AGO2: variants seen among roughly 807,000 people sequenced by gnomAD.
AGO2 encodes argonaute RISC catalytic component 2.
Under a neutral mutation model 102.3 loss-of-function variants are expected in AGO2, and 5 were observed. The observed-to-expected ratio is 0.05, with a 90% CI of 0.03 to 0.10. AGO2 has a LOEUF of 0.10. Ranked by LOEUF, AGO2 falls within the 10% of genes least tolerant of loss-of-function variation. The pLI is 1.00. For synonymous variants in AGO2, 449 were observed against 473.1 expected (o/e 0.95, Z 0.66); for missense variants, 541 against 1,183.7 (o/e 0.46, Z 7.97).
intron 2 of AGO2, among the ~76,000 whole-genome samples, chr8:140,584,335 C>T (rs183301011): frequency 2.0e-5 from 3 of 152,204 alleles, no homozygotes; most frequent in East Asian, 1.9e-4. Flanking sequence ...CTGACCACAC[C>T]GCGTGCTGGT....
At chr8:140,594,222 G>T (rs2073788586) in intron 1 of AGO2, among the ~76,000 whole-genome samples, 1 of 152,114 alleles carries the variant, frequency 6.6e-6, no homozygotes, top group African/African-American at 2.4e-5. Context: ...TGCCAGTTAA[G>T]GGGACAGGAG....
intron 1 of AGO2, 32 bp from the exon 2 acceptor site, chr8:140,585,343 G>A (rs1236713199): frequency 2.1e-5 from 34 of 1,606,678 alleles, no homozygotes; most frequent in Non-Finnish European, 2.7e-5. Context: ...CCATTAACGG[G>A]GGAGCAGGCT....
chr8:140,566,513 A>G (rs1266825227), intron 3 of AGO2, among the ~76,000 whole-genome samples: 1 of 152,198 alleles, frequency 6.6e-6, no homozygotes, highest in Non-Finnish European at 1.5e-5. Flanking sequence ...TAAGTCACAC[A>G]CAAGTAACAG....
chr8:140,631,289 C>A (rs1264885882), intron 1 of AGO2, among the ~76,000 whole-genome samples: 1 of 152,144 alleles, frequency 6.6e-6, no homozygotes, highest in Non-Finnish European at 1.5e-5. Flanking sequence ...CGCCTATAAT[C>A]CCAGCACTTT....
intron 1 of AGO2, among the ~76,000 whole-genome samples, chr8:140,608,268 A>T (rs1054920817): frequency 1.3e-5 from 2 of 152,282 alleles, no homozygotes; most frequent in East Asian, 3.9e-4. Context: ...CCCCTCCAGC[A>T]CGCTCCGGTC....
chr8:140,641,475 C>T, the AGO2 span, among the ~76,000 whole-genome samples: 1 of 152,074 alleles, frequency 6.6e-6, no homozygotes, highest in Admixed American at 6.5e-5. Flanking sequence ...TACCTAGTAT[C>T]ATGTTTCTTT....
chr8:140,544,249 G>T lies in AGO2; in HGVS notation c.1803C>A (p.Pro601=), dbSNP rs142977065. 1 of 1,597,672 alleles carries T rather than the reference G, an allele frequency of 6.3e-7. No individual in the cohort carries two copies. The highest frequency in any genetic ancestry group is 1.4e-5 in the African/African-American group (1 of 73,586). ...AGGGCTTCTTCCCATCCCCGGCGGG[G>T]GGGTGAGTGACGTCTGCTCCCAGAA... The part of the protein sequence containing the change: ...VIFLGADVTH[P]PAGDGKKPSI... Residue 601 remains proline (P), a synonymous_variant, in exon 14 of 19, where the codon CCC becomes CCA. Transcript: ENST00000220592.
intron 2 of AGO2, among the ~76,000 whole-genome samples, chr8:140,581,712 C>G (rs1033688395): frequency 6.6e-6 from 1 of 152,174 alleles, no homozygotes; most frequent in East Asian, 1.9e-4. Context: ...AAGAAAGCTG[C>G]TTAACCCAGT....
intron 1 of AGO2, among the ~76,000 whole-genome samples, chr8:140,601,598 G>A (rs1044791127): frequency 1.3e-5 from 2 of 152,170 alleles, no homozygotes; most frequent in Non-Finnish European, 2.9e-5. Flanking sequence ...GGCAGTCTGG[G>A]CTGTCTGCCC....
chr8:140,532,552 G>A lies in AGO2; in HGVS notation c.2335C>T (p.Leu779=), dbSNP rs1305630261. 6.2e-7 allele frequency: 1 copy of A among 1,614,294 alleles called. No homozygotes were observed. Among genetic ancestry groups the A allele is most frequent in the South Asian group, 1.1e-5 (1 of 91,090 alleles). The change falls in exon 18 of 19, where the codon CTG becomes TTG. Residue 779 remains leucine, a synonymous_variant. Transcript: ENST00000220592. ...WDDNRFSSDE[L]QILTYQLCHT... ...CACAGCTGGTAGGTTAGGATCTGCA[G>A]CTCATCAGAGGAGAAACGATTGTCG...
rs147595766 is a variant in AGO2 at position 140,539,859 on chromosome 8, T to C, written c.2035-405A>G. On this transcript the variant is annotated intron_variant, in intron 15 of 18. Coordinates refer to ENST00000220592, the MANE Select transcript of AGO2 (RefSeq NM_012154.5). This position sits in a 1 kb window ranked among gnomAD's most constrained non-coding sequence, Gnocchi z 4.7. The stretch of plus-strand genomic sequence containing the variant: ...ATCCCAGGACTTTGGGAGGCCGAGT[T>C]GGGCGGATCACAAGATCAAGAGATC... Among the ~76,000 whole-genome samples the C allele has an allele frequency of 0.016, 2,408 of 152,270 alleles. 31 individuals carry two copies. The highest frequency in any genetic ancestry group is 0.025 in the Non-Finnish European group (1,727 of 68,010).
intron 2 of AGO2, 95 bp downstream of exon 2, chr8:140,585,024 A>T (rs2073630819): frequency 1.6e-6 from 2 of 1,276,728 alleles, no homozygotes; most frequent in Non-Finnish European, 2.1e-6. Context: ...AAAAACCCAG[A>T]TGGATCTGCT....
intron 2 of AGO2, among the ~76,000 whole-genome samples, chr8:140,583,499 C>CACCT (rs2073591459): frequency 6.6e-6 from 1 of 152,162 alleles, no homozygotes; most frequent in African/African-American, 2.4e-5. Context: ...GTCTACCACA[C>CACCT]ACCTAGGCCA....
intron 3 of AGO2, among the ~76,000 whole-genome samples, chr8:140,564,965 C>T (rs970924770): frequency 7.2e-5 from 11 of 151,780 alleles, no homozygotes; most frequent in African/African-American, 2.2e-4. Context: ...AACCTCGTCT[C>T]TACTAAAAAT....
intron 1 of AGO2, among the ~76,000 whole-genome samples, chr8:140,607,458 T>TTA (rs1167371585): frequency 2.0e-4 from 14 of 69,610 alleles, no homozygotes; most frequent in Non-Finnish European, 2.9e-4. Context: ...TAAAGAAAAA[T>TTA]TATATATATA....
rs968757236 is a variant in AGO2, at chr8:140,527,544, A to G, written c.*4500T>C. On this transcript the variant is annotated 3_prime_UTR_variant, in exon 19 of 19. Coordinates refer to ENST00000220592, the MANE Select transcript of AGO2 (RefSeq NM_012154.5). The surrounding 1 kb of genome is among the most constrained non-coding windows in gnomAD (Gnocchi z 6.0). ...TGTAACAGGGGCACCCCCATGACAA[A>G]GTCACAGGTGCACTGCATCCGCACC... is the stretch of plus-strand genomic sequence containing the variant. 1 of 153,094 alleles carries G rather than the reference A, an allele frequency of 6.5e-6. No homozygotes were observed. Among genetic ancestry groups the G allele is most frequent in the Non-Finnish European group, 1.5e-5 (1 of 68,034 alleles). The allele number at this position is 153,094 out of a possible 1,614,324, so 9.5% of individuals were successfully genotyped here.
At chr8:140,635,138 C>T (rs1389353702) in intron 1 of AGO2, among the ~76,000 whole-genome samples, 6 of 146,626 alleles carry the variant, frequency 4.1e-5, no homozygotes, top group African/African-American at 1.5e-4. Flanking sequence ...GCGGCCGCCT[C>T]GGCCCCGGCC....
chr8:140,550,143 C>T (rs1222824586), intron 11 of AGO2, among the ~76,000 whole-genome samples: 5 of 152,238 alleles, frequency 3.3e-5, no homozygotes, highest in Admixed American at 6.5e-5. Context: ...CCTCTCTAGG[C>T]TTCCACCTCC....
rs117302513 is a variant in AGO2, at chr8:140,580,845, A to G, written c.215+4274T>C. ...GGCAGCCACTCTCAAGCTTGCTCAT[A>G]GCCTAGCAGGTTGGCCTTGGCCCTG... On this transcript the variant is annotated intron_variant, in intron 2 of 18. Coordinates refer to ENST00000220592, the MANE Select transcript of AGO2 (RefSeq NM_012154.5). Among the ~76,000 whole-genome samples the G allele has an allele frequency of 3.3e-4, 51 of 152,370 alleles. No individual in the cohort carries two copies. The East Asian group carries it at 9.4e-3, about 28-fold the overall frequency.
Sources: gnomAD v4.1 joint callset for allele counts (sites outside exome capture counted in the v4.1 genomes callset) on GRCh38, gnomAD v4.1.1 for gene constraint, Gnocchi (gnomAD v3.1) non-coding constraint, MANE v1.5 for transcripts, NCBI Gene and HGNC (gene_info 2026-07-23, HGNC 2026-07-21) for gene names.